The following SMOC2 variants were observed in gnomAD, a reference collection of about 807,000 sequenced individuals.
SMOC2 encodes the protein SPARC-related modular calcium-binding protein 2.
A neutral mutation model predicts 61.4 loss-of-function variants in SMOC2; 39 were observed. That is an observed-to-expected ratio of 0.64 (90% CI 0.49 to 0.83). The LOEUF (loss-of-function observed/expected upper bound fraction) is 0.83. Ranked by LOEUF, SMOC2 falls within the 40% of genes least tolerant of loss-of-function variation. SMOC2 has a pLI of 0.00. For missense variants in SMOC2, 556 were observed against 592.9 expected, an observed-to-expected ratio of 0.94 and a Z score of 0.65; for synonymous variants, 247 against 239.9, an observed-to-expected ratio of 1.03 and a Z score of -0.27.
chr6:168,521,312 C>G (rs1783323788), intron 2 of SMOC2, among the ~76,000 whole-genome samples: 1 of 152,130 alleles, frequency 6.6e-6, no homozygotes, highest in South Asian at 2.1e-4. Context: ...CCAAACCTGG[C>G]TAATTTTTGT....
At chr6:168,555,583 A>G (rs915949733) in intron 7 of SMOC2, among the ~76,000 whole-genome samples, 3 of 152,318 alleles carry the variant, frequency 2.0e-5, no homozygotes. Flanking sequence ...CCACGGCCGC[A>G]TGTTACAAGG....
intron 11 of SMOC2, among the ~76,000 whole-genome samples, chr6:168,661,769 G>C (rs1787516370): frequency 1.3e-5 from 2 of 152,144 alleles, no homozygotes; most frequent in Admixed American, 6.5e-5. Context: ...AATTGGCTCA[G>C]AATAGATTCA....
intron 9 of SMOC2, among the ~76,000 whole-genome samples, chr6:168,624,830 AACAC>A (rs200573448): frequency 1.3e-5 from 2 of 150,890 alleles, no homozygotes; most frequent in African/African-American, 4.9e-5. Context: ...GACATACAGA[AACAC>A]ACAGACACAG....
intron 11 of SMOC2, among the ~76,000 whole-genome samples, chr6:168,661,168 T>C (rs1007522360): frequency 4.6e-5 from 7 of 152,196 alleles, no homozygotes; most frequent in African/African-American, 1.7e-4. Context: ...TTTTGTACCC[T>C]GTATAGTTTA....
rs150370554 is a variant in SMOC2 at position 168,452,355 on chromosome 6, A to G, written c.84+10901A>G. Among the ~76,000 whole-genome samples the G allele has an allele frequency of 1.3e-3, 191 of 152,334 alleles. No homozygotes were observed. Among genetic ancestry groups the G allele is most frequent in the Admixed American group, 2.7e-3 (41 of 15,298 alleles). On this transcript the variant is annotated intron_variant, in intron 1 of 12. Coordinates refer to ENST00000356284, the MANE Select transcript of SMOC2 (RefSeq NM_001166412.2). This position sits in a 1 kb window ranked among gnomAD's most constrained non-coding sequence, Gnocchi z 5.0. Reference sequence around the variant, plus strand: ...GAAGCAGAATTTTGGTTTTAAAATAACCAGAGTAAGCAGGGGGAGTGTGAG... The same window carrying G: ...GAAGCAGAATTTTGGTTTTAAAATAGCCAGAGTAAGCAGGGGGAGTGTGAG...
Position 168,530,332 on chromosome 6 carries a change from G to T in SMOC2, c.463+2605G>T, listed in dbSNP as rs1162568097. ...TCAGAAAGATCTTTAATAGGAAATG[G>T]ATTCCTTTATTTCATAATCATGTAT... On this transcript the variant is annotated intron_variant, in intron 4 of 12. Coordinates refer to ENST00000356284, the MANE Select transcript of SMOC2 (RefSeq NM_001166412.2). Among the ~76,000 whole-genome samples, 4 of 152,090 alleles carry T rather than the reference G, an allele frequency of 2.6e-5. No homozygotes were observed. The East Asian group carries it at 7.7e-4, about 29-fold the overall frequency.
At chr6:168,585,902 G>T (rs1047451505) in intron 7 of SMOC2, among the ~76,000 whole-genome samples, 12 of 152,166 alleles carry the variant, frequency 7.9e-5, no homozygotes, top group Admixed American at 1.3e-4. Context: ...TGGAGTCTTT[G>T]TCAGCTGTGT....
intron 2 of SMOC2, among the ~76,000 whole-genome samples, chr6:168,518,422 T>C (rs1783204265): frequency 6.7e-6 from 1 of 148,820 alleles, no homozygotes; most frequent in Non-Finnish European, 1.5e-5. Flanking sequence ...AATGTGTGCA[T>C]GAGTGTGCAT....
At chr6:168,458,419 G>A (rs1385324307) in intron 1 of SMOC2, among the ~76,000 whole-genome samples, 2 of 152,184 alleles carry the variant, frequency 1.3e-5, no homozygotes, top group Non-Finnish European at 2.9e-5. Flanking sequence ...GGGCTTTGGC[G>A]TCACCAGTTC....
Position 168,667,142 on chromosome 6 carries a change from G to C in SMOC2, c.*704G>C, listed in dbSNP as rs758895943. On this transcript the variant is annotated 3_prime_UTR_variant, in exon 13 of 13. Transcript: ENST00000356284. ...GGGCTTGAATGAGTCCCAGAGAGTC[G>C]TTCGGATGGTGGGAGGCTGCCTAGG... The C allele has an allele frequency of 1.3e-5, 2 of 152,190 alleles. No individual in the cohort carries two copies. Among genetic ancestry groups the C allele is most frequent in the Non-Finnish European group, 2.9e-5 (2 of 68,052 alleles). 9.4% of individuals were successfully genotyped at this position (152,190 alleles called of 1,614,324 possible).
chr6:168,604,732 C>T (rs1785643016), intron 8 of SMOC2, among the ~76,000 whole-genome samples: 2 of 152,338 alleles, frequency 1.3e-5, no homozygotes, highest in Admixed American at 1.3e-4. Context: ...TGTGACCTCT[C>T]TTATCCTCAT....
chr6:168,571,122 G>A (rs1005327604), intron 7 of SMOC2, among the ~76,000 whole-genome samples: 2 of 152,302 alleles, frequency 1.3e-5, no homozygotes, highest in Non-Finnish European at 2.9e-5. Context: ...GGACCGCTGT[G>A]TGTATTACCT....
At chr6:168,458,611 C>T (rs1583030922) in intron 1 of SMOC2, among the ~76,000 whole-genome samples, 1 of 152,144 alleles carries the variant, frequency 6.6e-6, no homozygotes, top group South Asian at 2.1e-4. Flanking sequence ...GCCCAGGCAT[C>T]TTAGGGGAGA....
chr6:168,475,753 G>A lies in SMOC2; in HGVS notation c.85-34162G>A, dbSNP rs1782065856. Among the ~76,000 whole-genome samples, 1 of 152,166 alleles carries A rather than the reference G, an allele frequency of 6.6e-6. No homozygotes were observed. The highest frequency in any genetic ancestry group is 2.4e-5 in the African/African-American group (1 of 41,466). ...GCGTTAGAAGAAGAAGTAGTGAAGG[G>A]CAGTATTGGTGGAATAGGCAGGAGA... On this transcript the variant is annotated intron_variant, in intron 1 of 12. Coordinates refer to ENST00000356284, the MANE Select transcript of SMOC2 (RefSeq NM_001166412.2). The surrounding 1 kb of genome is among the most constrained non-coding windows in gnomAD (Gnocchi z 4.6).
chr6:168,659,710 TAGG>T (rs1787445189), intron 11 of SMOC2, among the ~76,000 whole-genome samples: 2 of 148,534 alleles, frequency 1.3e-5, no homozygotes, highest in Non-Finnish European at 1.5e-5. Flanking sequence ...GTGGAGGTTG[TAGG>T]CTGAGTGAGG....
chr6:168,568,621 C>T (rs1784599265), intron 7 of SMOC2, among the ~76,000 whole-genome samples: 1 of 152,116 alleles, frequency 6.6e-6, no homozygotes, highest in Non-Finnish European at 1.5e-5. Context: ...GTGTACCCAC[C>T]ATCATGGTAT....
intron 9 of SMOC2, among the ~76,000 whole-genome samples, chr6:168,618,589 A>C: frequency 6.6e-6 from 1 of 151,502 alleles, no homozygotes; most frequent in Non-Finnish European, 1.5e-5. Context: ...TGGCATTAAG[A>C]GGAGAGTTGA....
chr6:168,609,739 G>A (rs534570273), intron 9 of SMOC2, among the ~76,000 whole-genome samples: 1 of 152,170 alleles, frequency 6.6e-6, no homozygotes, highest in Non-Finnish European at 1.5e-5. Context: ...GTTTTGGTTG[G>A]TCTTGACCTT....
intron 7 of SMOC2, among the ~76,000 whole-genome samples, chr6:168,552,443 G>A (rs1784148851): frequency 6.6e-6 from 1 of 151,668 alleles, no homozygotes; most frequent in Non-Finnish European, 1.5e-5. Context: ...TTATTAAAAA[G>A]GCCAAACTGA....
Sources: gnomAD v4.1 joint callset for allele counts (sites outside exome capture counted in the v4.1 genomes callset) on GRCh38, gnomAD v4.1.1 for gene constraint, Gnocchi (gnomAD v3.1) non-coding constraint, MANE v1.5 for transcripts, NCBI Gene and HGNC (gene_info 2026-07-23, HGNC 2026-07-21) for gene names.